Variants in ARHGEF28 observed in about 807,000 individuals in gnomAD.
ARHGEF28 encodes Rho guanine nucleotide exchange factor 28.
ARHGEF28 carries 152 observed loss-of-function variants against 206.6 expected under a neutral mutation model. The observed-to-expected ratio is 0.74, with a 90% CI of 0.64 to 0.84. ARHGEF28 has a LOEUF of 0.84. ARHGEF28 is among the 40% of genes least tolerant of loss of function. The pLI is 0.00. For synonymous variants in ARHGEF28, 763 were observed against 776.4 expected (o/e 0.98, Z 0.29); for missense variants, 2,028 against 2,073.2 (o/e 0.98, Z 0.42).
chr5:73,728,077 G>T (rs56691811), intron 2 of ARHGEF28, among the ~76,000 whole-genome samples: 1 of 152,104 alleles, frequency 6.6e-6, no homozygotes, highest in South Asian at 2.1e-4. Flanking sequence ...GGTGAAGTTC[G>T]TCTTGTTAGT....
At chr5:73,761,445 A>T (rs1410890713) in intron 4 of ARHGEF28, among the ~76,000 whole-genome samples, 1 of 152,132 alleles carries the variant, frequency 6.6e-6, no homozygotes, top group East Asian at 1.9e-4. Flanking sequence ...GGTAGGAGAG[A>T]TCTGGGGAGG....
At chr5:73,738,493 G>A (rs1283746679) in intron 2 of ARHGEF28, among the ~76,000 whole-genome samples, 1 of 84,614 alleles carries the variant, frequency 1.2e-5, no homozygotes, top group Non-Finnish European at 3.0e-5. Flanking sequence ...GTGTGTGTGT[G>A]TGTGTGTGTG....
At chr5:73,726,328 A>G (rs1416801866) in intron 2 of ARHGEF28, among the ~76,000 whole-genome samples, 1 of 152,242 alleles carries the variant, frequency 6.6e-6, no homozygotes, top group Non-Finnish European at 1.5e-5. Flanking sequence ...CAAGTTACAT[A>G]GATACCAGTT....
rs574100481 is a variant in ARHGEF28 at position 73,647,843 on chromosome 5, C to T, written c.-12+21521C>T. 2.0e-5 allele frequency among the ~76,000 whole-genome samples: 3 copies of T among 152,346 alleles called. No homozygotes were observed. The South Asian group carries it at 6.2e-4, about 32-fold the overall frequency. Reference sequence around the variant, plus strand: ...TACCTGTCCCAATTTGATCCTACTACTTGATGTTGCCCAGGACATGTGCAT... The same window carrying T: ...TACCTGTCCCAATTTGATCCTACTATTTGATGTTGCCCAGGACATGTGCAT... On this transcript the variant is annotated intron_variant, in intron 1 of 35. Transcript: ENST00000513042.
At chr5:73,747,768 A>T (rs112764017) in intron 2 of ARHGEF28, among the ~76,000 whole-genome samples, 6 of 152,128 alleles carry the variant, frequency 3.9e-5, no homozygotes, top group African/African-American at 1.4e-4. Flanking sequence ...ATGTCTTATT[A>T]CTCACATGAC....
intron 2 of ARHGEF28, among the ~76,000 whole-genome samples, chr5:73,710,152 C>G (rs935329474): frequency 6.6e-6 from 1 of 152,162 alleles, no homozygotes; most frequent in Non-Finnish European, 1.5e-5. Flanking sequence ...TCCAAAGTAG[C>G]TGTTTTGTAT....
intron 2 of ARHGEF28, among the ~76,000 whole-genome samples, chr5:73,718,235 G>A (rs1413846382): frequency 6.6e-6 from 1 of 152,102 alleles, no homozygotes; most frequent in Non-Finnish European, 1.5e-5. Context: ...TTATACTCAG[G>A]TATGAAGAAG....
At chr5:73,919,750 A>G (rs757507302) in intron 35 of ARHGEF28, among the ~76,000 whole-genome samples, 21 of 152,158 alleles carry the variant, frequency 1.4e-4, no homozygotes, top group Non-Finnish European at 2.5e-4. Context: ...TATCACCTTA[A>G]TCTCTTTTTG....
At chr5:73,908,863 T>TA (rs1467050100) in intron 33 of ARHGEF28, 2 of 152,278 alleles carry the variant, frequency 1.3e-5, no homozygotes, top group African/African-American at 4.8e-5. Flanking sequence ...TCTTAGGCAT[T>TA]ATGTTATAAA....
chr5:73,873,811 T>C (rs1760264375), intron 22 of ARHGEF28, among the ~76,000 whole-genome samples: 2 of 152,202 alleles, frequency 1.3e-5, no homozygotes, highest in South Asian at 4.1e-4. Flanking sequence ...TTTTAGCTCT[T>C]ATAAATAAAG....
intron 2 of ARHGEF28, among the ~76,000 whole-genome samples, chr5:73,747,309 T>G (rs1360650513): frequency 6.6e-6 from 1 of 152,182 alleles, no homozygotes; most frequent in African/African-American, 2.4e-5. Flanking sequence ...TTGCCATATA[T>G]GAAATCGGTG....
At chr5:73,896,454 G>A (rs994218241) in intron 29 of ARHGEF28, among the ~76,000 whole-genome samples, 5 of 152,166 alleles carry the variant, frequency 3.3e-5, no homozygotes, top group African/African-American at 1.2e-4. Context: ...ATGATGGAAA[G>A]CACTGGAAGC....
chr5:73,907,978 A>G (rs1762644082), intron 33 of ARHGEF28, among the ~76,000 whole-genome samples: 1 of 152,184 alleles, frequency 6.6e-6, no homozygotes, highest in Non-Finnish European at 1.5e-5. Context: ...CTAAAGATTT[A>G]TTAGAATTAA....
At chr5:73,895,228 G>A (rs1403477587) in intron 29 of ARHGEF28, among the ~76,000 whole-genome samples, 1 of 152,136 alleles carries the variant, frequency 6.6e-6, no homozygotes, top group Non-Finnish European at 1.5e-5. Context: ...TGCAGATGTT[G>A]GTAATAACAA....
intron 29 of ARHGEF28, among the ~76,000 whole-genome samples, 197 bp from the exon 30 acceptor site, chr5:73,897,765 G>A (rs535634119): frequency 9.2e-5 from 14 of 152,074 alleles, no homozygotes; most frequent in Middle Eastern, 6.8e-3. Context: ...AGTCTCTGGG[G>A]TGTGTGTGTG....
chr5:73,698,537 G>A (rs1266339639), intron 2 of ARHGEF28, among the ~76,000 whole-genome samples: 2 of 152,002 alleles, frequency 1.3e-5, no homozygotes, highest in African/African-American at 2.4e-5. Flanking sequence ...ATTGAAAGAC[G>A]TCTTTGGGAG....
chr5:73,649,525 A>G (rs538363933), intron 1 of ARHGEF28, among the ~76,000 whole-genome samples: 140 of 152,382 alleles, frequency 9.2e-4, no homozygotes, highest in Middle Eastern at 3.4e-3. Flanking sequence ...TGTTCTATCA[A>G]TCACGAAATT....
At chr5:73,787,642 TCC>T (rs1360751006) in intron 7 of ARHGEF28, among the ~76,000 whole-genome samples, 10 of 152,268 alleles carry the variant, frequency 6.6e-5, no homozygotes, top group African/African-American at 2.4e-4. Flanking sequence ...GGTTTTCTGT[TCC>T]TGTGTTAGTT....
At chr5:73,688,913 C>T (rs1747640220) in intron 2 of ARHGEF28, among the ~76,000 whole-genome samples, 2 of 152,344 alleles carry the variant, frequency 1.3e-5, no homozygotes, top group African/African-American at 4.8e-5. Context: ...CTCGGCCTCC[C>T]AAAGTGCTGG....
Sources: gnomAD v4.1 joint callset for allele counts (sites outside exome capture counted in the v4.1 genomes callset) on GRCh38, gnomAD v4.1.1 for gene constraint, MANE v1.5 for transcripts, NCBI Gene and HGNC (gene_info 2026-07-23, HGNC 2026-07-21) for gene names.